GAB2: variants seen among roughly 807,000 people sequenced by gnomAD.
GAB2 encodes the protein GRB2-associated-binding protein 2.
In GAB2, 26 loss-of-function variants were observed where a neutral mutation model predicts 65.5. That is an observed-to-expected ratio of 0.40 (90% CI 0.29 to 0.55). The LOEUF (loss-of-function observed/expected upper bound fraction) is 0.55, where lower values mean the gene tolerates loss of function less well. GAB2 is among the 20% of genes least tolerant of loss of function. The pLI is 0.53. For missense variants in GAB2, 884 were observed against 875.8 expected, an observed-to-expected ratio of 1.01 and a Z score of -0.12; for synonymous variants, 321 against 329.6, an observed-to-expected ratio of 0.97 and a Z score of 0.28.
At chr11:78,411,583 G>A (rs1857129412) in intron 1 of GAB2, among the ~76,000 whole-genome samples, 1 of 152,006 alleles carries the variant, frequency 6.6e-6, no homozygotes, top group Non-Finnish European at 1.5e-5. Flanking sequence ...TGACAAAGAC[G>A]GAAAAGCAAT....
intron 1 of GAB2, among the ~76,000 whole-genome samples, chr11:78,354,472 T>C (rs1856327595): frequency 6.6e-6 from 1 of 152,012 alleles, no homozygotes; most frequent in Non-Finnish European, 1.5e-5. Flanking sequence ...TGCTGAAAAC[T>C]AAAATGTTCA....
At chr11:78,294,504 A>G (rs896393003) in intron 1 of GAB2, among the ~76,000 whole-genome samples, 5 of 152,212 alleles carry the variant, frequency 3.3e-5, no homozygotes, top group African/African-American at 1.2e-4. Flanking sequence ...GACTTCTACA[A>G]TGGCTGAACT....
intron 1 of GAB2, 136 bp downstream of exon 1, chr11:78,417,510 G>C (rs1157595448): frequency 4.0e-5 from 11 of 276,318 alleles, no homozygotes; most frequent in Admixed American, 1.8e-4. Flanking sequence ...ACACGCCCCC[G>C]GCCGCTCCTC....
intron 8 of GAB2, 55 bp downstream of exon 8, chr11:78,221,622 G>T: frequency 1.9e-6 from 2 of 1,052,158 alleles, no homozygotes; most frequent in Admixed American, 1.9e-5. Context: ...GGAACTGAGG[G>T]GTGGGTCCCA....
intron 1 of GAB2, among the ~76,000 whole-genome samples, chr11:78,367,732 C>G (rs2134724204): frequency 6.6e-6 from 1 of 152,232 alleles, no homozygotes; most frequent in African/African-American, 2.4e-5. Context: ...AAGATCCAGC[C>G]TCTCAGCCAG....
intron 1 of GAB2, among the ~76,000 whole-genome samples, chr11:78,400,199 CCTCTTTCT>C (rs1276807217): frequency 1.3e-5 from 2 of 152,182 alleles, no homozygotes; most frequent in African/African-American, 4.8e-5. Flanking sequence ...ATGTGCACCA[CCTCTTTCT>C]CATTTTGAAC....
chr11:78,274,953 C>T (rs1866125989), intron 2 of GAB2, among the ~76,000 whole-genome samples: 1 of 152,196 alleles, frequency 6.6e-6, no homozygotes, highest in African/African-American at 2.4e-5. Flanking sequence ...GCTGTGTGAC[C>T]TTGGGTCAAA....
At chr11:78,417,021 CG>C (rs5792808) in intron 1 of GAB2, among the ~76,000 whole-genome samples, 39,098 of 151,988 alleles carry the variant, frequency 0.26, 5,573 homozygotes, top group East Asian at 0.43. Flanking sequence ...ACACCGGGGT[CG>C]GGGGGAGGCG....
intron 1 of GAB2, among the ~76,000 whole-genome samples, chr11:78,316,398 C>A (rs1291606549): frequency 6.6e-6 from 1 of 152,022 alleles, no homozygotes; most frequent in East Asian, 1.9e-4. Flanking sequence ...CTGACTAGTA[C>A]AGGATTATAA....
intron 2 of GAB2, among the ~76,000 whole-genome samples, chr11:78,253,751 T>C (rs1250980397): frequency 6.6e-6 from 1 of 152,192 alleles, no homozygotes; most frequent in Non-Finnish European, 1.5e-5. Context: ...TTTGAAATGG[T>C]TTTATCCTCA....
At chr11:78,393,618 T>G (rs1033646712) in intron 1 of GAB2, among the ~76,000 whole-genome samples, 1 of 152,234 alleles carries the variant, frequency 6.6e-6, no homozygotes, top group Admixed American at 6.5e-5. Flanking sequence ...AATCAGACCC[T>G]CTTTTGCAGA....
At chr11:78,260,277 A>G (rs1291343186) in intron 2 of GAB2, among the ~76,000 whole-genome samples, 1 of 152,216 alleles carries the variant, frequency 6.6e-6, no homozygotes, top group Non-Finnish European at 1.5e-5. Flanking sequence ...ACCTTGATGC[A>G]TACGATCTCA....
intron 1 of GAB2, among the ~76,000 whole-genome samples, chr11:78,359,316 A>C (rs1048431604): frequency 6.6e-6 from 1 of 152,228 alleles, no homozygotes; most frequent in African/African-American, 2.4e-5. Flanking sequence ...CCAAAGACAA[A>C]AAAGAAGACA....
intron 1 of GAB2, among the ~76,000 whole-genome samples, chr11:78,310,051 G>C (rs1036672076): frequency 1.3e-5 from 2 of 151,808 alleles, no homozygotes; most frequent in Non-Finnish European, 2.9e-5. Flanking sequence ...AGGCATTAGA[G>C]GGCAGAGGAC....
At chr11:78,385,996 G>GT (rs1409409849) in intron 1 of GAB2, among the ~76,000 whole-genome samples, 1 of 152,136 alleles carries the variant, frequency 6.6e-6, no homozygotes, top group African/African-American at 2.4e-5. Flanking sequence ...CTATACGTAT[G>GT]TATCTGGTTA....
At chr11:78,389,342 C>T (rs1358106945) in intron 1 of GAB2, among the ~76,000 whole-genome samples, 2 of 147,878 alleles carry the variant, frequency 1.4e-5, no homozygotes, top group Non-Finnish European at 3.0e-5. Context: ...GAGTTTTGCT[C>T]GTTGCCCAGG....
intron 1 of GAB2, among the ~76,000 whole-genome samples, chr11:78,387,013 A>G (rs1856776827): frequency 6.6e-6 from 1 of 152,226 alleles, no homozygotes; most frequent in Non-Finnish European, 1.5e-5. Flanking sequence ...ATTAAACAAA[A>G]CGTTGTTACC....
chr11:78,234,979 C>T lies in GAB2; in HGVS notation c.621-7928G>A, dbSNP rs549874946. 2.0e-5 allele frequency among the ~76,000 whole-genome samples: 3 copies of T among 152,078 alleles called. No homozygotes were observed. In the South Asian group the frequency reaches 6.2e-4, roughly 32 times the overall value. ...GAGCTGAGATCATGCCACTGCATTC[C>T]AGCCCGGGAGACAGAGCGACAGACT... On this transcript the variant is annotated intron_variant, in intron 3 of 9. Coordinates refer to ENST00000361507, the MANE Select transcript of GAB2 (RefSeq NM_080491.3).
At chr11:78,304,934 C>T (rs1389781344) in intron 1 of GAB2, among the ~76,000 whole-genome samples, 2 of 152,148 alleles carry the variant, frequency 1.3e-5, no homozygotes, top group South Asian at 2.1e-4. Context: ...TGTGATATTC[C>T]CTGTGAAAAT....
Sources: gnomAD v4.1 joint callset for allele counts (sites outside exome capture counted in the v4.1 genomes callset) on GRCh38, gnomAD v4.1.1 for gene constraint, MANE v1.5 for transcripts, NCBI Gene and HGNC (gene_info 2026-07-23, HGNC 2026-07-21) for gene names.